PITPNC1: variants seen among roughly 807,000 people sequenced by gnomAD.
The protein encoded by PITPNC1 is phosphatidylinositol transfer protein cytoplasmic 1, also known as cytoplasmic phosphatidylinositol transfer protein 1.
Under a neutral mutation model 44.7 loss-of-function variants are expected in PITPNC1, and 18 were observed. The ratio of observed to expected loss-of-function variants is 0.40; its 90% CI spans 0.28 to 0.60. PITPNC1 has a LOEUF of 0.60. Among genes scored for constraint, PITPNC1 ranks in the 20% least tolerant of loss-of-function variants. The pLI is 0.39. For synonymous variants in PITPNC1, 141 were observed against 149.6 expected, an observed-to-expected ratio of 0.94 and a Z score of 0.42; for missense variants, 290 against 418.4, an observed-to-expected ratio of 0.69 and a Z score of 2.68.
rs548277366 is a variant in PITPNC1 at position 67,448,202 on chromosome 17, C to T, written c.48+70000C>T. ...CCTCAGGTGATCCGCCCGCCTTGGCCTCCCAAAGTGCTGGGATTACAGGCA... is the reference window on the plus strand; with the variant it reads ...CCTCAGGTGATCCGCCCGCCTTGGCTTCCCAAAGTGCTGGGATTACAGGCA... On this transcript the variant is annotated intron_variant, in intron 1 of 8. Transcript: ENST00000581322. Among the ~76,000 whole-genome samples the T allele has an allele frequency of 3.3e-5, 5 of 152,290 alleles. No homozygotes were observed. In the South Asian group the frequency reaches 1.0e-3, roughly 32 times the overall value.
chr17:67,516,875 G>A (rs970435409), intron 1 of PITPNC1, among the ~76,000 whole-genome samples: 6 of 152,082 alleles, frequency 3.9e-5, no homozygotes, highest in East Asian at 1.9e-4. Flanking sequence ...CTGCCAAAGC[G>A]CTGAGATTAC....
chr17:67,614,561 A>G (rs931378065), intron 5 of PITPNC1, among the ~76,000 whole-genome samples: 2 of 151,442 alleles, frequency 1.3e-5, no homozygotes, highest in African/African-American at 4.9e-5. Context: ...AGTCCCAGCT[A>G]CTCGGGAGGC....
At chr17:67,622,532 T>C (rs2041847179) in intron 5 of PITPNC1, among the ~76,000 whole-genome samples, 1 of 150,672 alleles carries the variant, frequency 6.6e-6, no homozygotes, top group Non-Finnish European at 1.5e-5. Flanking sequence ...TTTTTTTTTT[T>C]TTACAGCCAT....
intron 5 of PITPNC1, among the ~76,000 whole-genome samples, chr17:67,631,053 G>GTTGTTATTATTA (rs886876286): frequency 4.6e-4 from 59 of 127,752 alleles, no homozygotes; most frequent in African/African-American, 1.6e-3. Context: ...TGTTGTTGTT[G>GTTGTTATTATTA]TTATTATTAT....
intron 1 of PITPNC1, among the ~76,000 whole-genome samples, chr17:67,507,683 CAAAAAAAAAAAAAA>C (rs59838492): frequency 1.1e-4 from 9 of 79,510 alleles, no homozygotes; most frequent in South Asian, 4.3e-4. Flanking sequence ...GACTTGGTCT[CAAAAAAAAAAAAAA>C]AAAAAAAAAA....
intron 5 of PITPNC1, among the ~76,000 whole-genome samples, chr17:67,600,241 G>A (rs946138101): frequency 4.6e-5 from 7 of 152,088 alleles, no homozygotes; most frequent in Admixed American, 4.6e-4. Flanking sequence ...GAGTCAGGGA[G>A]TGGAGGTGGA....
chr17:67,463,388 A>G (rs2039373193), intron 1 of PITPNC1, among the ~76,000 whole-genome samples: 1 of 152,096 alleles, frequency 6.6e-6, no homozygotes, highest in Non-Finnish European at 1.5e-5. Flanking sequence ...CAGTTGTGGC[A>G]ATATTGATTG....
chr17:67,479,240 A>T (rs2039671799), intron 1 of PITPNC1, among the ~76,000 whole-genome samples: 1 of 152,098 alleles, frequency 6.6e-6, no homozygotes, highest in African/African-American at 2.4e-5. Flanking sequence ...TCTTTAACAC[A>T]CTTTCCTGAT....
At chr17:67,641,063 G>A (rs1025388170) in intron 6 of PITPNC1, among the ~76,000 whole-genome samples, 1 of 152,128 alleles carries the variant, frequency 6.6e-6, no homozygotes, top group Non-Finnish European at 1.5e-5. Flanking sequence ...ACAGTACGGA[G>A]CAAGGCAGCA....
chr17:67,660,422 G>C (rs1205132296), intron 6 of PITPNC1, among the ~76,000 whole-genome samples: 2 of 152,154 alleles, frequency 1.3e-5, no homozygotes, highest in African/African-American at 4.8e-5. Context: ...ACTGCCTTGG[G>C]AAATGCAATA....
chr17:67,404,813 A>C (rs2038371152), intron 1 of PITPNC1, among the ~76,000 whole-genome samples: 1 of 152,214 alleles, frequency 6.6e-6, no homozygotes. Flanking sequence ...GCTGGTGGCC[A>C]GGCATGGTGT....
intron 5 of PITPNC1, among the ~76,000 whole-genome samples, chr17:67,630,863 C>CGA (rs2041956747): frequency 6.6e-6 from 1 of 151,502 alleles, no homozygotes; most frequent in East Asian, 2.0e-4. Context: ...AGGTGTGCAG[C>CGA]ATCACGCCCG....
intron 1 of PITPNC1, 55 bp downstream of exon 1, chr17:67,378,257 C>T: frequency 8.0e-7 from 1 of 1,251,574 alleles, no homozygotes; most frequent in Non-Finnish European, 1.1e-6. Context: ...GCCGCTACCG[C>T]CGCCTCCTGG....
intron 1 of PITPNC1, among the ~76,000 whole-genome samples, chr17:67,494,210 T>A (rs1383474945): frequency 6.7e-6 from 1 of 149,256 alleles, no homozygotes; most frequent in Non-Finnish European, 1.5e-5. Context: ...TCTTTCTTTC[T>A]TTCTTTTTGA....
chr17:67,414,930 T>G (rs1407269853), intron 1 of PITPNC1, among the ~76,000 whole-genome samples: 1 of 152,106 alleles, frequency 6.6e-6, no homozygotes, highest in East Asian at 1.9e-4. Context: ...CCAGGCTATA[T>G]AGTGCAGTGG....
intron 1 of PITPNC1, among the ~76,000 whole-genome samples, chr17:67,388,219 C>G (rs2038083386): frequency 6.6e-6 from 1 of 152,104 alleles, no homozygotes; most frequent in Admixed American, 6.6e-5. Context: ...AGTGATACCC[C>G]TGAGAAGTTT....
rs2042999876 is a variant in PITPNC1 at position 67,695,684 on chromosome 17, A to G, written c.*2796A>G. ...ACACCATCAGTTTTAAGTCTCTGGT[A>G]GCCAAACTTAAATAAATAATCCATA... is the stretch of plus-strand genomic sequence containing the variant. On this transcript the variant is annotated 3_prime_UTR_variant, in exon 9 of 9. Coordinates refer to ENST00000581322, the MANE Select transcript of PITPNC1 (RefSeq NM_012417.4). 1 of 151,198 alleles carries G rather than the reference A, an allele frequency of 6.6e-6. No homozygotes were observed. The highest frequency in any genetic ancestry group is 2.4e-5 in the African/African-American group (1 of 41,244). 9.4% of individuals were successfully genotyped at this position (151,198 alleles called of 1,614,324 possible).
intron 1 of PITPNC1, among the ~76,000 whole-genome samples, chr17:67,455,530 C>T (rs1272553162): frequency 6.6e-6 from 1 of 152,170 alleles, no homozygotes; most frequent in African/African-American, 2.4e-5. Flanking sequence ...AAGCGATTCT[C>T]CTGCCTCAGC....
intron 2 of PITPNC1, among the ~76,000 whole-genome samples, chr17:67,544,798 C>T (rs2144150503): frequency 6.6e-6 from 1 of 152,282 alleles, no homozygotes; most frequent in East Asian, 1.9e-4. Flanking sequence ...CTCTCTTTCC[C>T]ATTTCTGCTT....
Sources: gnomAD v4.1 joint callset for allele counts (sites outside exome capture counted in the v4.1 genomes callset) on GRCh38, gnomAD v4.1.1 for gene constraint, MANE v1.5 for transcripts, NCBI Gene and HGNC (gene_info 2026-07-23, HGNC 2026-07-21) for gene names.